Variants in RBFOX1 observed in about 807,000 individuals in gnomAD.
RBFOX1 encodes RNA binding protein fox-1 homolog 1.
Under a neutral mutation model 57.7 loss-of-function variants are expected in RBFOX1, and 8 were observed. The observed-to-expected ratio is 0.14, with a 90% confidence interval of 0.08 to 0.25. The LOEUF (loss-of-function observed/expected upper bound fraction) is 0.25. RBFOX1 is among the 10% of genes least tolerant of loss of function. The probability of loss-of-function intolerance (pLI) is 1.00; values close to 1 mark genes in which losing one functional copy is unlikely to be tolerated. For missense variants in RBFOX1, 611 were observed against 548.5 expected, an observed-to-expected ratio of 1.11 and a Z score of -1.14; for synonymous variants, 326 against 222.4, an observed-to-expected ratio of 1.47 and a Z score of -4.15.
intron 1 of RBFOX1, among the ~76,000 whole-genome samples, chr16:5,247,644 A>C (rs1364635042): frequency 6.6e-6 from 1 of 152,196 alleles, no homozygotes; most frequent in Non-Finnish European, 1.5e-5. Flanking sequence ...ATTTCAGTGC[A>C]TATTGTCTGT....
intron 4 of RBFOX1, among the ~76,000 whole-genome samples, chr16:7,174,390 C>G (rs369313356): frequency 1.3e-5 from 2 of 152,040 alleles, no homozygotes; most frequent in Non-Finnish European, 2.9e-5. Flanking sequence ...CACTTGTTTC[C>G]AAGTTCTTGG....
At chr16:6,831,930 A>G (rs1426126593) in intron 3 of RBFOX1, among the ~76,000 whole-genome samples, 3 of 152,220 alleles carry the variant, frequency 2.0e-5, no homozygotes, top group Non-Finnish European at 4.4e-5. Context: ...AGTTCTCTCT[A>G]AAGGGGTGGA....
intron 2 of RBFOX1, among the ~76,000 whole-genome samples, chr16:5,542,794 T>C (rs900063568): frequency 2.0e-5 from 3 of 152,244 alleles, no homozygotes; most frequent in Admixed American, 6.5e-5. Context: ...TTTGATACTT[T>C]ACCATCCATA....
chr16:7,043,308 T>C (rs2046802438), intron 3 of RBFOX1, among the ~76,000 whole-genome samples: 1 of 152,182 alleles, frequency 6.6e-6, no homozygotes, highest in Non-Finnish European at 1.5e-5. Context: ...TCATCATTAT[T>C]TTATTCATCA....
At chr16:7,268,495 C>T (rs921451751) in intron 4 of RBFOX1, among the ~76,000 whole-genome samples, 2 of 152,198 alleles carry the variant, frequency 1.3e-5, no homozygotes, top group Non-Finnish European at 1.5e-5. Context: ...CACTCCTTTC[C>T]AAAGATGCTC....
chr16:6,572,472 G>T (rs927751850), intron 2 of RBFOX1, among the ~76,000 whole-genome samples: 1 of 152,150 alleles, frequency 6.6e-6, no homozygotes, highest in African/African-American at 2.4e-5. Context: ...AAGCGTGCAT[G>T]TACAAATATA....
intron 3 of RBFOX1, among the ~76,000 whole-genome samples, chr16:6,662,194 T>C (rs988321439): frequency 6.6e-6 from 1 of 152,088 alleles, no homozygotes; most frequent in Admixed American, 6.5e-5. Flanking sequence ...CAGATTAAGT[T>C]ATAGATAACT....
At chr16:6,435,632 C>T (rs2094213072) in intron 2 of RBFOX1, among the ~76,000 whole-genome samples, 1 of 152,132 alleles carries the variant, frequency 6.6e-6, no homozygotes, top group African/African-American at 2.4e-5. Context: ...CATCTACCCC[C>T]AGCAAGATTT....
intron 2 of RBFOX1, among the ~76,000 whole-genome samples, chr16:6,548,555 A>G (rs1254413025): frequency 1.3e-5 from 2 of 152,236 alleles, no homozygotes; most frequent in Non-Finnish European, 2.9e-5. Flanking sequence ...TAAGCTCTCC[A>G]GGTAGTCACA....
chr16:5,758,189 G>A (rs2053466601), intron 3 of RBFOX1, among the ~76,000 whole-genome samples: 1 of 152,184 alleles, frequency 6.6e-6, no homozygotes, highest in Admixed American at 6.5e-5. Flanking sequence ...CCATCCATTG[G>A]CTTTTTAACA....
chr16:5,403,943 C>T (rs1046848541), intron 1 of RBFOX1, among the ~76,000 whole-genome samples: 13 of 151,416 alleles, frequency 8.6e-5, no homozygotes, highest in Non-Finnish European at 1.8e-4. Context: ...GAAGACACCT[C>T]TGGGGAGGGA....
chr16:5,855,279 T>C (rs114016163), intron 3 of RBFOX1, among the ~76,000 whole-genome samples: 328 of 152,356 alleles, frequency 2.2e-3, no homozygotes, highest in African/African-American at 7.6e-3. Context: ...TTTGGTGTTA[T>C]ATTAAAAAAT....
chr16:5,545,259 T>C (rs574048427), intron 2 of RBFOX1, among the ~76,000 whole-genome samples: 1 of 151,764 alleles, frequency 6.6e-6, no homozygotes, highest in South Asian at 2.1e-4. Context: ...ATTACAGCTG[T>C]GAGCACGCCC....
rs559478427 is a variant in RBFOX1, at chr16:5,719,458, C to T, written c.318+120497C>T. On this transcript the variant is annotated intron_variant, in intron 3 of 19. Coordinates refer to the RBFOX1 transcript ENST00000641259. ...ATCTCCTGAGCTCGCGATCCGCCCACCTCGGCCTCCCAAAGTGCTGGGATT... is the reference window on the plus strand; with the variant it reads ...ATCTCCTGAGCTCGCGATCCGCCCATCTCGGCCTCCCAAAGTGCTGGGATT... Among the ~76,000 whole-genome samples the T allele has an allele frequency of 1.9e-4, 29 of 151,974 alleles. 1 individual carries two copies. In the South Asian group the frequency reaches 6.0e-3, roughly 32 times the overall value.
intron 1 of RBFOX1, chr16:6,038,561 A>G (rs2095398945): frequency 6.8e-6 from 1 of 145,990 alleles, no homozygotes; most frequent in South Asian, 2.1e-4. Context: ...TCATCCATAT[A>G]TATATATCAT....
chr16:5,768,411 C>G (rs987460279), intron 3 of RBFOX1, among the ~76,000 whole-genome samples: 1 of 152,164 alleles, frequency 6.6e-6, no homozygotes, highest in African/African-American at 2.4e-5. Flanking sequence ...TTCAACATGA[C>G]CTCACTGTTT....
rs1567866360 is a variant in RBFOX1, at chr16:7,567,393, A to ATATATATATCCC, written c.271-12375_271-12374insCCCTATATATAT. ...TATATATATCCCTATGTATGGCCCT[A>ATATATATATCCC]TATATATATATCCCTATATATATAT... On this transcript the variant is annotated intron_variant, in intron 5 of 15. Coordinates refer to ENST00000550418, the MANE Select transcript of RBFOX1 (RefSeq NM_018723.4). Among the ~76,000 whole-genome samples the ATATATATATCCC allele has an allele frequency of 3.0e-3, 317 of 104,958 alleles. 6 individuals are homozygous for ATATATATATCCC. The highest frequency in any genetic ancestry group is 0.01 in the African/African-American group (285 of 27,422). 68.9% of individuals were successfully genotyped at this position (104,958 alleles called of 152,430 possible).
intron 1 of RBFOX1, among the ~76,000 whole-genome samples, chr16:5,455,536 C>A (rs916451041): frequency 6.6e-6 from 1 of 152,176 alleles, no homozygotes; most frequent in South Asian, 2.1e-4. Flanking sequence ...GAGATTCTTT[C>A]TTTCATTCTT....
rs375113158 is a variant in RBFOX1 at position 7,613,482 on chromosome 16, G to A, written c.676+6144G>A. Among the ~76,000 whole-genome samples the A allele has an allele frequency of 7.2e-5, 11 of 152,208 alleles. No homozygotes were observed. The East Asian group carries it at 7.7e-4, about 11-fold the overall frequency. On this transcript the variant is annotated intron_variant, in intron 10 of 15. Coordinates refer to ENST00000550418, the MANE Select transcript of RBFOX1 (RefSeq NM_018723.4). Reference sequence around the variant, plus strand: ...TCCATTTCAGAAAGAACCTGGCCACGGATCACATGACTTGATGCTGGGCTA... The same window carrying A: ...TCCATTTCAGAAAGAACCTGGCCACAGATCACATGACTTGATGCTGGGCTA...
Sources: allele counts gnomAD v4.1 joint callset (sites outside exome capture counted in the v4.1 genomes callset), GRCh38; gene constraint gnomAD v4.1.1; transcripts MANE v1.5; gene names NCBI Gene and HGNC (gene_info 2026-07-23, HGNC 2026-07-21).